Variants in WDFY4 observed in about 807,000 individuals in gnomAD.
WDFY4 encodes the protein WDFY family member 4.
In WDFY4, 169 loss-of-function variants were observed where a neutral mutation model predicts 351.9. The ratio of observed to expected loss-of-function variants is 0.48; its 90% CI spans 0.42 to 0.55. WDFY4 has a LOEUF of 0.55. Among genes scored for constraint, WDFY4 ranks in the 20% least tolerant of loss-of-function variants. WDFY4 has a pLI of 0.00. For synonymous variants in WDFY4, 1,622 were observed against 1,574.6 expected, an observed-to-expected ratio of 1.03 and a Z score of -0.71; for missense variants, 3,803 against 3,935.6, an observed-to-expected ratio of 0.97 and a Z score of 0.90.
intron 8 of WDFY4, 116 bp from the exon 9 acceptor site, chr10:48,730,994 A>G (rs2064440686): frequency 5.2e-6 from 6 of 1,161,422 alleles, no homozygotes; most frequent in African/African-American, 4.7e-5. Flanking sequence ...ACATGTGCCC[A>G]TAGGAGTTAG....
At chr10:48,849,947 G>A (rs1351217547) in intron 39 of WDFY4, among the ~76,000 whole-genome samples, 1 of 152,078 alleles carries the variant, frequency 6.6e-6, no homozygotes, top group Non-Finnish European at 1.5e-5. Flanking sequence ...CTTTGAGTAT[G>A]GTCAGATATT....
At chr10:48,935,234 G>C (rs917629935) in intron 47 of WDFY4, 8 of 152,314 alleles carry the variant, frequency 5.3e-5, no homozygotes, top group African/African-American at 1.9e-4. Flanking sequence ...GGCAACAAGA[G>C]ACTTAGGACC....
chr10:48,934,212 G>A (rs746481834), intron 47 of WDFY4, among the ~76,000 whole-genome samples: 2 of 152,234 alleles, frequency 1.3e-5, no homozygotes, highest in Non-Finnish European at 2.9e-5. Context: ...CATCCGTGTT[G>A]TTGATAAATG....
chr10:48,946,010 G>C (rs1841025818), intron 49 of WDFY4, 30 bp from the exon 50 acceptor site: 1 of 1,481,622 alleles, frequency 6.7e-7, no homozygotes, highest in Non-Finnish European at 9.1e-7. Flanking sequence ...GGTCTGGGGA[G>C]TTAACTCCAG....
intron 1 of WDFY4, among the ~76,000 whole-genome samples, chr10:48,702,255 C>T (rs2063499347): frequency 6.6e-6 from 1 of 152,072 alleles, no homozygotes. Flanking sequence ...CAGAGCAGCT[C>T]CATAGCTCAG....
chr10:48,798,423 T>G (rs1166015132), intron 24 of WDFY4, among the ~76,000 whole-genome samples: 1 of 151,536 alleles, frequency 6.6e-6, no homozygotes, highest in African/African-American at 2.4e-5. Context: ...AAGCCACAAA[T>G]AAATAATATT....
At chr10:48,938,250 C>T (rs1464243041) in intron 47 of WDFY4, among the ~76,000 whole-genome samples, 1 of 152,260 alleles carries the variant, frequency 6.6e-6, no homozygotes, top group Non-Finnish European at 1.5e-5. Context: ...GATGTGTCTG[C>T]ATTAGCTCGG....
At chr10:48,820,878 C>A (rs139404490) in intron 33 of WDFY4, among the ~76,000 whole-genome samples, 184 bp from the exon 34 acceptor site, 1 of 152,142 alleles carries the variant, frequency 6.6e-6, no homozygotes, top group East Asian at 1.9e-4. Context: ...CGGAAGTGGG[C>A]GTTGCTTCCT....
chr10:48,729,283 C>T, intron 7 of WDFY4, 149 bp from the exon 8 acceptor site: 3 of 1,155,506 alleles, frequency 2.6e-6, no homozygotes, highest in Admixed American at 5.6e-5. Context: ...CAGGGCGCTC[C>T]CTTGCCTCTG....
At chr10:48,778,584 T>C in intron 17 of WDFY4, 27 bp from the exon 18 acceptor site, 1 of 1,545,998 alleles carries the variant, frequency 6.5e-7, no homozygotes, top group Non-Finnish European at 8.7e-7. Context: ...GAACAAAGCC[T>C]GAGGGCATGC....
chr10:48,933,095 T>C (rs1482654999), intron 47 of WDFY4, among the ~76,000 whole-genome samples: 1 of 151,954 alleles, frequency 6.6e-6, no homozygotes, highest in African/African-American at 2.4e-5. Flanking sequence ...GGGGAGTCTG[T>C]GCTGAAGGGC....
At chr10:48,823,297 A>C (rs1004998964) in intron 35 of WDFY4, 2 of 1,284,420 alleles carry the variant, frequency 1.6e-6, no homozygotes, top group African/African-American at 3.1e-5. Context: ...ACCCAGGGGG[A>C]TGTCTGTGAT....
chr10:48,965,052 G>A (rs1285757983), intron 54 of WDFY4, among the ~76,000 whole-genome samples: 1 of 152,198 alleles, frequency 6.6e-6, no homozygotes, highest in Non-Finnish European at 1.5e-5. Context: ...GGCTTTGTAG[G>A]AAGGAAAGAA....
chr10:48,691,016 G>C (rs1164122020), intron 1 of WDFY4, among the ~76,000 whole-genome samples: 1 of 152,150 alleles, frequency 6.6e-6, no homozygotes, highest in East Asian at 1.9e-4. Flanking sequence ...CTTCCATGGT[G>C]CCCTGGCTGT....
chr10:48,757,679 C>A (rs1445038524), intron 12 of WDFY4, among the ~76,000 whole-genome samples: 1 of 150,954 alleles, frequency 6.6e-6, no homozygotes, highest in Non-Finnish European at 1.5e-5. Flanking sequence ...TTCTGTTTGC[C>A]TGCCTTTTTG....
At chr10:48,974,829 T>G in intron 57 of WDFY4, 33 bp from the exon 58 acceptor site, 1 of 1,492,588 alleles carries the variant, frequency 6.7e-7, no homozygotes, top group South Asian at 1.3e-5. Flanking sequence ...GAATTGAGGG[T>G]CCCTCTCCTA....
chr10:48,725,898 C>T lies in WDFY4; in HGVS notation c.609C>T (p.Cys203=). Residue 203 remains cysteine, a synonymous_variant, in exon 6 of 62, where the codon TGC becomes TGT. Transcript: ENST00000325239. ...TTTTTCAGATGTTGCTCAATATTTG[C>T]AGTGACTCTCAGGGCCTGGAGGGAC... ...KMFVQMLLNI[C]SDSQGLEGLL... 2 of 1,544,982 alleles carry T rather than the reference C, an allele frequency of 1.3e-6. No individual in the cohort carries two copies.
At chr10:48,895,686 A>T (rs1047991835) in intron 44 of WDFY4, among the ~76,000 whole-genome samples, 2 of 152,212 alleles carry the variant, frequency 1.3e-5, no homozygotes, top group African/African-American at 2.4e-5. Context: ...CATTTCAGTT[A>T]TTTCCAGTGT....
intron 47 of WDFY4, chr10:48,913,448 G>A (rs998759921): frequency 1.2e-6 from 2 of 1,613,586 alleles, no homozygotes. Context: ...GATTGGGAAA[G>A]ATGGTCTTTC....
Sources: allele counts gnomAD v4.1 joint callset (sites outside exome capture counted in the v4.1 genomes callset), GRCh38; gene constraint gnomAD v4.1.1; transcripts MANE v1.5; gene names NCBI Gene and HGNC (gene_info 2026-07-23, HGNC 2026-07-21).